The following TLCD1 variants were observed in gnomAD, a reference collection of about 807,000 sequenced individuals.
The protein encoded by TLCD1 is TLC domain containing 1.
Under a neutral mutation model 21.2 loss-of-function variants are expected in TLCD1, and 21 were observed. That is an observed-to-expected ratio of 0.99 (90% CI 0.70 to 1.42). TLCD1 has a LOEUF of 1.42. TLCD1 is among the 40% of genes most tolerant of loss of function. The probability of loss-of-function intolerance (pLI) is 0.00; values close to 1 mark genes in which losing one functional copy is unlikely to be tolerated. For synonymous variants in TLCD1, 168 were observed against 134.8 expected (o/e 1.25, Z -1.71); for missense variants, 344 against 330.3 (o/e 1.04, Z -0.32).
At chr17:28,725,148 A>T (rs1429545356) in intron 3 of TLCD1, among the ~76,000 whole-genome samples, 156 bp downstream of exon 3, 1 of 152,158 alleles carries the variant, frequency 6.6e-6, no homozygotes, top group Non-Finnish European at 1.5e-5. Context: ...GTGAACAAGT[A>T]CAGACTGCCA....
chr17:28,726,856 T>C (rs2034240904), upstream of TLCD1: 1 of 1,528,426 alleles, frequency 6.5e-7, no homozygotes, highest in Non-Finnish European at 8.8e-7. Context: ...CGGGCGGCTG[T>C]CACAGTCCTC....
chr17:28,726,287 C>G, upstream of TLCD1: 4 of 1,165,540 alleles, frequency 3.4e-6, no homozygotes, highest in Non-Finnish European at 4.3e-6. Context: ...CGCCCCCAGC[C>G]GCCCGCGCCC....
chr17:28,724,937 C>T (rs763651939), intron 3 of TLCD1, 44 bp from the exon 4 acceptor site: 11 of 1,572,694 alleles, frequency 7.0e-6, no homozygotes, highest in East Asian at 4.5e-5. Context: ...CAGATGCAGA[C>T]GCTTTCCTGG....
rs753732679 is a variant in TLCD1 at position 28,725,390 on chromosome 17, G to GT, written c.278-5dup. 1.2e-6 allele frequency: 2 copies of GT among 1,614,194 alleles called. No individual in the cohort carries two copies. Among genetic ancestry groups the GT allele is most frequent in the Non-Finnish European group, 1.7e-6 (2 of 1,180,030 alleles). On this transcript the variant is annotated splice_region_variant and splice_polypyrimidine_tract_variant and intron_variant, in intron 2 of 3. Coordinates refer to ENST00000292090, the MANE Select transcript of TLCD1 (RefSeq NM_138463.4). ...ACCGTATCGTGGATGAAATACCCTA[G>GT]TGGAGGGATGGGGCAAGAGATCATG...
chr17:28,725,787 G>C, intron 1 of TLCD1, 117 bp downstream of exon 1: 1 of 1,380,184 alleles, frequency 7.2e-7, no homozygotes, highest in East Asian at 2.5e-5. Flanking sequence ...AACGGGATCA[G>C]GTGAGACTGC....
Position 28,724,407 on chromosome 17 carries a change from G to T in TLCD1, c.*103C>A. The T allele has an allele frequency of 7.1e-7, 1 of 1,400,796 alleles. No homozygotes were observed. Among genetic ancestry groups the T allele is most frequent in the South Asian group, 1.3e-5 (1 of 75,214 alleles). The allele number at this position is 1,400,796 out of a possible 1,614,324, so 86.8% of individuals were successfully genotyped here. ...TGTGGGCGCAGGCTCAGAAGGTGGAGAGGCTGGCCTCAGAGGACACCCAGG... is the reference window on the plus strand; with the variant it reads ...TGTGGGCGCAGGCTCAGAAGGTGGATAGGCTGGCCTCAGAGGACACCCAGG... On this transcript the variant is annotated 3_prime_UTR_variant, in exon 4 of 4. Transcript: ENST00000292090.
chr17:28,725,022 G>T, intron 3 of TLCD1, 129 bp from the exon 4 acceptor site: 1 of 1,054,650 alleles, frequency 9.5e-7, no homozygotes, highest in Non-Finnish European at 1.3e-6. Flanking sequence ...AGTTTATAGT[G>T]GGTAAGATGC....
chr17:28,726,211 A>G lies in TLCD1; in HGVS notation c.-114T>C. On this transcript the variant is annotated 5_prime_UTR_variant, in exon 1 of 4. Coordinates refer to ENST00000292090, the MANE Select transcript of TLCD1 (RefSeq NM_138463.4). ...GCCTCTCCCGCCGGCCGCCAGCCCC[A>G]CACAGTTGGCGAAGCCCTCTAGGCC... is the stretch of plus-strand genomic sequence containing the variant. 7.3e-7 allele frequency: 1 copy of G among 1,367,882 alleles called. No individual in the cohort carries two copies. Among genetic ancestry groups the G allele is most frequent in the South Asian group, 1.7e-5 (1 of 58,890 alleles). 84.7% of individuals were successfully genotyped at this position (1,367,882 alleles called of 1,614,324 possible). A position where few individuals can be genotyped will look rare whatever the true frequency, so the allele number is the denominator to read the frequency against.
Position 28,725,550 on chromosome 17 carries a change from G to A in TLCD1, c.208C>T (p.Pro70Ser). ...IWALLCVWQT[P>S]DMLVEIETAW... is the part of the protein sequence containing the mutation. Reference sequence around the variant, plus strand: ...GTCTCAATCTCCACTAACATGTCAGGAGTCTGCCATACACTGGAAAGGAGG... The same window carrying A: ...GTCTCAATCTCCACTAACATGTCAGAAGTCTGCCATACACTGGAAAGGAGG... The change falls in exon 2 of 4, where the codon CCT becomes TCT. Residue 70 changes from proline to serine, a missense_variant. By Grantham distance (74) the Pro-to-Ser change is moderately conservative (BLOSUM62 -1). Transcript: ENST00000292090. 6.2e-7 allele frequency: 1 copy of A among 1,614,102 alleles called. No individual in the cohort carries two copies.
Position 28,726,171 on chromosome 17 carries a change from C to A in TLCD1, c.-74G>T. Reference sequence around the variant, plus strand: ...CTGGGAACCGGGATCCCTCTCGGGCCAGTCCAGGCCGGCCGCCTCTCCCGC... The same window carrying A: ...CTGGGAACCGGGATCCCTCTCGGGCAAGTCCAGGCCGGCCGCCTCTCCCGC... On this transcript the variant is annotated 5_prime_UTR_variant, in exon 1 of 4. Transcript: ENST00000292090. 1 of 1,378,514 alleles carries A rather than the reference C, an allele frequency of 7.3e-7. No homozygotes were observed. Among genetic ancestry groups the A allele is most frequent in the Non-Finnish European group, 9.3e-7 (1 of 1,074,750 alleles). 85.4% of individuals were successfully genotyped at this position (1,378,514 alleles called of 1,614,324 possible).
Position 28,724,555 on chromosome 17 carries a change from C to T in TLCD1, c.699G>A (p.Glu233=), listed in dbSNP as rs2034177544. The change falls in exon 4 of 4, where the codon GAG becomes GAA. Residue 233 remains glutamate (E), a synonymous_variant. Transcript: ENST00000292090. ...CTTTGTGTTGCTTCTTGGGGACATG[C>T]TCAGGGCAGAAGTCAGAGCGGAGGA... ...SRLLRSDFCP[E]HVPKKQHKDK... The T allele has an allele frequency of 1.2e-6, 2 of 1,614,140 alleles. No individual in the cohort carries two copies. Among genetic ancestry groups the T allele is most frequent in the South Asian group, 1.1e-5 (1 of 91,082 alleles).
intron 1 of TLCD1, 82 bp downstream of exon 1, chr17:28,725,822 A>G: frequency 6.6e-7 from 1 of 1,513,358 alleles, no homozygotes; most frequent in South Asian, 1.2e-5. Context: ...CCAGTGAGCG[A>G]TGGGGGTAGT....
upstream of TLCD1, among the ~76,000 whole-genome samples, chr17:28,727,101 G>C (rs2034244590): frequency 6.6e-6 from 1 of 152,186 alleles, no homozygotes. Flanking sequence ...GGCGAAAGGA[G>C]GAGCAGCTGA....
rs1242960168 is a variant in TLCD1 at position 28,724,493 on chromosome 17, C to T, written c.*17G>A. On this transcript the variant is annotated 3_prime_UTR_variant, in exon 4 of 4. Coordinates refer to ENST00000292090, the MANE Select transcript of TLCD1 (RefSeq NM_138463.4). The stretch of plus-strand genomic sequence containing the variant: ...TTCTGGCCTTGTCCGTTTTTGTTGT[C>T]CCAGGCTCTGTGCCCCTCACTCAGT... 2.5e-6 allele frequency: 4 copies of T among 1,607,506 alleles called. No individual in the cohort carries two copies. Among genetic ancestry groups the T allele is most frequent in the Non-Finnish European group, 3.4e-6 (4 of 1,175,638 alleles).
chr17:28,725,604 T>G (rs375680821), intron 1 of TLCD1, 41 bp from the exon 2 acceptor site: 9 of 1,594,226 alleles, frequency 5.6e-6, no homozygotes, highest in Non-Finnish European at 7.7e-6. Context: ...TTCGGCACCC[T>G]CAAGGACCAT....
At chr17:28,725,806 AG>A in intron 1 of TLCD1, 97 bp downstream of exon 1, 1 of 1,465,524 alleles carries the variant, frequency 6.8e-7, no homozygotes, top group Non-Finnish European at 9.2e-7. Flanking sequence ...GCGTGGCCTC[AG>A]CCCGCCAGTG....
chr17:28,726,286 C>T (rs2151728343), upstream of TLCD1: 1 of 1,162,604 alleles, frequency 8.6e-7, no homozygotes, highest in South Asian at 4.2e-5. Context: ...CCGCCCCCAG[C>T]CGCCCGCGCC....
rs1373303145 is a variant in TLCD1, at chr17:28,725,462, C to T, written c.277+19G>A. The T allele has an allele frequency of 6.2e-7, 1 of 1,614,208 alleles. No individual in the cohort carries two copies. Among genetic ancestry groups the T allele is most frequent in the Non-Finnish European group, 8.5e-7 (1 of 1,180,024 alleles). On this transcript the variant is annotated intron_variant, in intron 2 of 3. Coordinates refer to ENST00000292090, the MANE Select transcript of TLCD1 (RefSeq NM_138463.4). Reference sequence around the variant, plus strand: ...CTCCCTGTCCCCAATTTGCCTCCCGCTTCCTGGGCAAGACCTACCCGCAGA... The same window carrying T: ...CTCCCTGTCCCCAATTTGCCTCCCGTTTCCTGGGCAAGACCTACCCGCAGA...
At position 28,724,605 on chromosome 17, in the gene TLCD1, T is replaced by A. The variant is rs1263893684; in HGVS notation, c.649A>T (p.Met217Leu). 1.2e-6 allele frequency: 2 copies of A among 1,614,020 alleles called. No homozygotes were observed. The highest frequency in any genetic ancestry group is 1.7e-6 in the Non-Finnish European group (2 of 1,180,002). ...AGGCGGGAAAAGTAGATTATGATCA[T>A]CACGTCCAGCATGAGCAGGATACCC... ...LLGILLMLDV[M>L]IIIYFSRLLR... is the part of the protein sequence containing the mutation. The change falls in exon 4 of 4, where the codon ATG becomes TTG. Residue 217 changes from methionine (M) to leucine (L), a missense_variant. Physicochemically the swap from Met to Leu is conservative, Grantham distance 15. Transcript: ENST00000292090.
Sources: gnomAD v4.1 joint callset for allele counts (sites outside exome capture counted in the v4.1 genomes callset) on GRCh38, gnomAD v4.1.1 for gene constraint, MANE v1.5 for transcripts, NCBI Gene and HGNC (gene_info 2026-07-23, HGNC 2026-07-21) for gene names.